Variants in CNOT1 observed in about 807,000 individuals in gnomAD.
CNOT1 encodes CCR4-NOT transcription complex subunit 1, also known as CCR4-associated factor 1.
In CNOT1, 15 loss-of-function variants were observed where a neutral mutation model predicts 273.8. The observed-to-expected ratio is 0.05, with a 90% CI of 0.04 to 0.08. The LOEUF (loss-of-function observed/expected upper bound fraction) is 0.08, where lower values mean the gene tolerates loss of function less well. Ranked by LOEUF, CNOT1 falls within the 10% of genes least tolerant of loss-of-function variation. The probability of loss-of-function intolerance (pLI) is 1.00; values close to 1 mark genes in which losing one functional copy is unlikely to be tolerated. For missense variants in CNOT1, 1,644 were observed against 2,912.2 expected (o/e 0.56, Z 10.02); for synonymous variants, 1,022 against 1,005.5 (o/e 1.02, Z -0.31).
intron 25 of CNOT1, chr16:58,548,509 T>C (rs769082012): frequency 5.8e-6 from 3 of 518,344 alleles, no homozygotes; most frequent in South Asian, 1.4e-5. Flanking sequence ...CCATGTTCCT[T>C]AACTCTATAC....
intron 1 of CNOT1, among the ~76,000 whole-genome samples, chr16:58,608,652 A>ATGTTTACAGCAGCACACATGTTT (rs1567442161): frequency 1.3e-5 from 1 of 75,728 alleles, no homozygotes. Flanking sequence ...ATTATACAAA[A>ATGTTTACAGCAGCACACATGTTT]AAGATACTTG....
chr16:58,599,581 C>T (rs1305230577), intron 1 of CNOT1, 70 bp from the exon 2 acceptor site: 2 of 520,458 alleles, frequency 3.8e-6, no homozygotes, highest in Non-Finnish European at 6.8e-6. Context: ...CTGGTCCAGG[C>T]GCAGTGGTGT....
chr16:58,607,281 C>A (rs1004009240), intron 1 of CNOT1, among the ~76,000 whole-genome samples: 4 of 152,124 alleles, frequency 2.6e-5, no homozygotes, highest in African/African-American at 9.6e-5. Context: ...CTGGCCAGGA[C>A]TAGGTGATTG....
At chr16:58,539,576 G>A (rs2040022779) in intron 35 of CNOT1, among the ~76,000 whole-genome samples, 192 bp downstream of exon 35, 1 of 149,952 alleles carries the variant, frequency 6.7e-6, no homozygotes, top group Admixed American at 6.7e-5. Flanking sequence ...AAAAAATGAA[G>A]ATTTCCAAGT....
At chr16:58,546,819 A>G in intron 27 of CNOT1, 70 bp from the exon 28 acceptor site, 3 of 1,589,074 alleles carry the variant, frequency 1.9e-6, no homozygotes, top group Non-Finnish European at 2.6e-6. Context: ...AAAACAATTC[A>G]ATACAACATA....
rs188875912 is a variant in CNOT1, at chr16:58,527,775, G to A, written c.6453+700C>T. ...AGAACCAATCCTCCAAGAATAGCAA[G>A]GGACCAAGGAACAACTGCACAAGTG... is the stretch of plus-strand genomic sequence containing the variant. On this transcript the variant is annotated intron_variant, in intron 44 of 48. Transcript: ENST00000317147. 4.1e-3 allele frequency: 737 copies of A among 179,610 alleles called. 10 individuals carry two copies. Among genetic ancestry groups the A allele is most frequent in the African/African-American group, 0.017 (694 of 41,828 alleles). 11.1% of individuals were successfully genotyped at this position (179,610 alleles called of 1,614,324 possible).
intron 14 of CNOT1, among the ~76,000 whole-genome samples, chr16:58,576,196 C>T (rs1210545766): frequency 2.6e-5 from 4 of 151,908 alleles, no homozygotes; most frequent in Admixed American, 6.6e-5. Context: ...CCACAACCTC[C>T]GCCTCCCAGG....
Position 58,585,630 on chromosome 16 carries a change from C to T in CNOT1, c.638-124G>A, listed in dbSNP as rs529520168. 3 of 1,427,222 alleles carry T rather than the reference C, an allele frequency of 2.1e-6. No individual in the cohort carries two copies. In the African/African-American group the frequency reaches 4.3e-5, roughly 20 times the overall value. The allele number at this position is 1,427,222 out of a possible 1,614,324, so 88.4% of individuals were successfully genotyped here. ...TTCATATTCAAAGCCAAGCTTATTT[C>T]ATTTTTCCAGCCTACTAGCCGAAGT... is the stretch of plus-strand genomic sequence containing the variant. On this transcript the variant is annotated intron_variant, in intron 7 of 48. Coordinates refer to ENST00000317147, the MANE Select transcript of CNOT1 (RefSeq NM_016284.5).
At chr16:58,526,778 T>C (rs1361174310) in intron 44 of CNOT1, among the ~76,000 whole-genome samples, 8 of 146,448 alleles carry the variant, frequency 5.5e-5, no homozygotes, top group African/African-American at 1.6e-4. Context: ...GCTCGCGCCA[T>C]TGCGCTCCAG....
intron 1 of CNOT1, among the ~76,000 whole-genome samples, chr16:58,627,172 G>A (rs771998841): frequency 3.9e-5 from 6 of 152,042 alleles, no homozygotes; most frequent in Non-Finnish European, 8.8e-5. Context: ...ACTTTGGGAG[G>A]GTGAGGCGGG....
At chr16:58,610,797 C>T (rs550691860) in intron 1 of CNOT1, among the ~76,000 whole-genome samples, 1 of 151,834 alleles carries the variant, frequency 6.6e-6, no homozygotes, top group East Asian at 1.9e-4. Context: ...GAGCCGAGGT[C>T]GCACCACTGC....
intron 25 of CNOT1, chr16:58,548,697 G>T (rs2151926195): frequency 1.5e-5 from 7 of 455,698 alleles, no homozygotes; most frequent in South Asian, 1.1e-4. Context: ...GCTGGTTCTA[G>T]AAGTTTTTCC....
intron 29 of CNOT1, among the ~76,000 whole-genome samples, chr16:58,546,042 CAA>C (rs1474987515): frequency 6.6e-6 from 1 of 152,060 alleles, no homozygotes; most frequent in Admixed American, 6.6e-5. Context: ...GGACTTCACA[CAA>C]CAAAGGAGAT....
At chr16:58,598,809 C>G (rs931624592) in intron 2 of CNOT1, among the ~76,000 whole-genome samples, 1 of 151,842 alleles carries the variant, frequency 6.6e-6, no homozygotes. Flanking sequence ...CGCCTGTAAT[C>G]CCAGAACTTT....
At chr16:58,551,054 T>C (rs950008799) in intron 24 of CNOT1, 78 bp downstream of exon 24, 51 of 1,564,976 alleles carry the variant, frequency 3.3e-5, no homozygotes, top group Non-Finnish European at 4.3e-5. Flanking sequence ...AAAGTGAGTA[T>C]GTAAAAGGGC....
At chr16:58,581,981 T>C (rs1296510799) in intron 10 of CNOT1, among the ~76,000 whole-genome samples, 5 of 152,036 alleles carry the variant, frequency 3.3e-5, no homozygotes, top group Non-Finnish European at 5.9e-5. Flanking sequence ...TACCTTTTAA[T>C]ATCTAAAAGT....
In CNOT1 at chr16:58,538,933, G is replaced by A. The variant is rs183618293; in HGVS notation, c.4993-19C>T. 113 of 1,606,498 alleles carry A rather than the reference G, an allele frequency of 7.0e-5. No homozygotes were observed. Among genetic ancestry groups the A allele is most frequent in the Middle Eastern group, 3.3e-4 (2 of 6,032 alleles). The stretch of plus-strand genomic sequence containing the variant: ...CTACAGCCTATGGGAGAAAGAAAGC[G>A]TTCAAAACCATGAAAAATACAGTGC... On this transcript the variant is annotated intron_variant, in intron 35 of 48. Coordinates refer to ENST00000317147, the MANE Select transcript of CNOT1 (RefSeq NM_016284.5).
intron 1 of CNOT1, chr16:58,624,853 A>G (rs1266357354): frequency 1.3e-5 from 2 of 152,038 alleles, no homozygotes; most frequent in East Asian, 1.9e-4. Context: ...TTAAGTCTAC[A>G]CCTCTAATTA....
chr16:58,553,775 C>CA lies in CNOT1; in HGVS notation c.2970+6dup, dbSNP rs1567403052. The CA allele has an allele frequency of 5.0e-6, 8 of 1,609,328 alleles. No individual in the cohort carries two copies. Among genetic ancestry groups the CA allele is most frequent in the Non-Finnish European group, 6.8e-6 (8 of 1,178,734 alleles). Reference sequence around the variant, plus strand: ...CTATTTGGGTTTTAGTTACAGAGGGCACTTACCTCCTGTAAATGATGTGGA... The same window carrying CA: ...CTATTTGGGTTTTAGTTACAGAGGGCAACTTACCTCCTGTAAATGATGTGGA... On this transcript the variant is annotated splice_region_variant and intron_variant, in intron 22 of 48. Coordinates refer to ENST00000317147, the MANE Select transcript of CNOT1 (RefSeq NM_016284.5).
Sources: allele counts gnomAD v4.1 joint callset (sites outside exome capture counted in the v4.1 genomes callset), GRCh38; gene constraint gnomAD v4.1.1; transcripts MANE v1.5; gene names NCBI Gene and HGNC (gene_info 2026-07-23, HGNC 2026-07-21).